Variants in LRFN2 observed in about 807,000 individuals in gnomAD.
LRFN2 encodes leucine rich repeat and fibronectin type III domain containing 2, also known as leucine-rich repeat and fibronectin type-III domain-containing protein 2.
In LRFN2, 18 loss-of-function variants were observed where a neutral mutation model predicts 37.3. That is an observed-to-expected ratio of 0.48 (90% confidence interval 0.33 to 0.72). The LOEUF (loss-of-function observed/expected upper bound fraction) is 0.72, where lower values mean the gene tolerates loss of function less well. Ranked by LOEUF, LRFN2 falls within the 30% of genes least tolerant of loss-of-function variation. The pLI, the probability that LRFN2 is intolerant of heterozygous loss-of-function variation, is 0.02. For missense variants in LRFN2, 1,006 were observed against 1,060.7 expected (o/e 0.95, Z 0.72); for synonymous variants, 556 against 466.6 (o/e 1.19, Z -2.47).
At chr6:40,439,374 C>G (rs965355431) in intron 1 of LRFN2, among the ~76,000 whole-genome samples, 9 of 152,162 alleles carry the variant, frequency 5.9e-5, no homozygotes, top group Non-Finnish European at 1.0e-4. Flanking sequence ...CACCTTCTTT[C>G]CAGACTTCCC....
chr6:40,567,271 GA>G (rs1767107071), intron 1 of LRFN2, among the ~76,000 whole-genome samples: 1 of 152,160 alleles, frequency 6.6e-6, no homozygotes, highest in East Asian at 1.9e-4. Flanking sequence ...AATGAGGAAA[GA>G]AAAAGGCACT....
rs763215904 is a variant in LRFN2, at chr6:40,392,792, G to A, written c.1521C>T (p.Ile507=). The change falls in exon 3 of 3, where the codon ATC becomes ATT. Residue 507 remains isoleucine, a synonymous_variant. Coordinates refer to ENST00000338305, the MANE Select transcript of LRFN2 (RefSeq NM_020737.3). The surrounding 1 kb of genome is among the most constrained non-coding windows in gnomAD (Gnocchi z 4.7). ...DTATTLTATN[I]VGCAQFFTKA... is the part of the protein sequence containing the mutation. ...TGGTGAAGAACTGGGCGCAGCCCAC[G>A]ATGTTGGTGGCCGTGAGTGTCGTGG... 9.3e-6 allele frequency: 15 copies of A among 1,614,024 alleles called. No homozygotes were observed. Among genetic ancestry groups the A allele is most frequent in the African/African-American group, 6.7e-5 (5 of 74,936 alleles).
chr6:40,508,330 T>A (rs1765600526), intron 1 of LRFN2, among the ~76,000 whole-genome samples: 1 of 152,216 alleles, frequency 6.6e-6, no homozygotes, highest in African/African-American at 2.4e-5. Flanking sequence ...TCTCTGCTCA[T>A]CTCCCACCCC....
chr6:40,503,866 C>G (rs1397079181), intron 1 of LRFN2, among the ~76,000 whole-genome samples: 1 of 151,596 alleles, frequency 6.6e-6, no homozygotes, highest in Non-Finnish European at 1.5e-5. Flanking sequence ...TGTAAAGACA[C>G]AGAGGCTACC....
At chr6:40,459,792 C>A (rs778043655) in intron 1 of LRFN2, among the ~76,000 whole-genome samples, 1 of 152,166 alleles carries the variant, frequency 6.6e-6, no homozygotes, top group Non-Finnish European at 1.5e-5. Flanking sequence ...GAGGGAGGAC[C>A]TTTTAATGAG....
At chr6:40,393,303 C>T (rs140557801) in intron 2 of LRFN2, among the ~76,000 whole-genome samples, 2 of 151,548 alleles carry the variant, frequency 1.3e-5, no homozygotes, top group East Asian at 1.9e-4. Context: ...AGGTATAGAC[C>T]GAGGATGTGT....
intron 1 of LRFN2, among the ~76,000 whole-genome samples, chr6:40,511,393 C>T (rs1420588784): frequency 2.0e-5 from 3 of 152,144 alleles, no homozygotes; most frequent in Admixed American, 6.5e-5. Flanking sequence ...TTGCAGAATG[C>T]GTTTCAATTC....
At chr6:40,499,725 C>T (rs1252069008) in intron 1 of LRFN2, among the ~76,000 whole-genome samples, 1 of 152,106 alleles carries the variant, frequency 6.6e-6, no homozygotes, top group African/African-American at 2.4e-5. Flanking sequence ...CCCACTCCCC[C>T]TTAGAGTGTG....
Position 40,509,791 on chromosome 6 carries a change from G to T in LRFN2, c.-18-76660C>A, listed in dbSNP as rs575850912. On this transcript the variant is annotated intron_variant, in intron 1 of 2. Transcript: ENST00000338305. Reference sequence around the variant, plus strand: ...GGACTGTGCAGGCAGTGGGGTGGGGGTGCATGCGTGCCAGTATGCCAGGGA... The same window carrying T: ...GGACTGTGCAGGCAGTGGGGTGGGGTTGCATGCGTGCCAGTATGCCAGGGA... Among the ~76,000 whole-genome samples, 5 of 151,418 alleles carry T rather than the reference G, an allele frequency of 3.3e-5. No individual in the cohort carries two copies. The South Asian group carries it at 1.0e-3, about 32-fold the overall frequency.
chr6:40,430,986 G>A (rs143815517), intron 2 of LRFN2, among the ~76,000 whole-genome samples: 224 of 152,282 alleles, frequency 1.5e-3, no homozygotes, highest in African/African-American at 5.2e-3. Context: ...AGAACTTAGG[G>A]AAGGTAAGAA....
chr6:40,580,123 T>C (rs7749698), intron 1 of LRFN2, among the ~76,000 whole-genome samples: 2,170 of 152,190 alleles, frequency 0.014, 52 homozygotes, highest in African/African-American at 0.048. Context: ...TCATGAGAAA[T>C]GGCAATGAGA....
At chr6:40,460,159 G>A (rs9380958) in intron 1 of LRFN2, among the ~76,000 whole-genome samples, 40,169 of 151,998 alleles carry the variant, frequency 0.26, 6,147 homozygotes, top group Middle Eastern at 0.41. Flanking sequence ...GGCTCCTTCC[G>A]GAGGCTCCTA....
At chr6:40,460,959 G>A (rs975949042) in intron 1 of LRFN2, among the ~76,000 whole-genome samples, 3 of 152,192 alleles carry the variant, frequency 2.0e-5, no homozygotes, top group African/African-American at 7.2e-5. Context: ...GAGAGGGTAG[G>A]CTATTGAATG....
At chr6:40,451,446 T>A (rs2113842794) in intron 1 of LRFN2, among the ~76,000 whole-genome samples, 1 of 152,118 alleles carries the variant, frequency 6.6e-6, no homozygotes, top group Non-Finnish European at 1.5e-5. Context: ...CAGCTGCAGC[T>A]CAAGAGGGTG....
chr6:40,477,633 C>T lies in LRFN2; in HGVS notation c.-18-44502G>A, dbSNP rs1198311643. On this transcript the variant is annotated intron_variant, in intron 1 of 2. Coordinates refer to ENST00000338305, the MANE Select transcript of LRFN2 (RefSeq NM_020737.3). Reference sequence around the variant, plus strand: ...TCCCAGCAGGCGCTGCAGGAATGGGCGAGAGTTAGCTCCATTTCCCTCAGT... The same window carrying T: ...TCCCAGCAGGCGCTGCAGGAATGGGTGAGAGTTAGCTCCATTTCCCTCAGT... 5.3e-5 allele frequency among the ~76,000 whole-genome samples: 8 copies of T among 152,280 alleles called. No individual in the cohort carries two copies. In the South Asian group the frequency reaches 1.0e-3, roughly 20 times the overall value.
At position 40,467,204 on chromosome 6, in the gene LRFN2, ATGATG is replaced by A. The variant is rs879792153; in HGVS notation, c.-18-34078_-18-34074del. On this transcript the variant is annotated intron_variant, in intron 1 of 2. Coordinates refer to ENST00000338305, the MANE Select transcript of LRFN2 (RefSeq NM_020737.3). ...GATGATGATGATGATGATGATGATG[ATGATG>A]TGTGTGTGTGTGTTTCAAAAATGAG... is the stretch of plus-strand genomic sequence containing the variant. Among the ~76,000 whole-genome samples the A allele has an allele frequency of 5.1e-3, 749 of 148,174 alleles. 4 individuals are homozygous for A. The highest frequency in any genetic ancestry group is 8.6e-3 in the Admixed American group (130 of 15,108).
At chr6:40,406,498 C>G (rs930831056) in intron 2 of LRFN2, among the ~76,000 whole-genome samples, 2 of 152,202 alleles carry the variant, frequency 1.3e-5, no homozygotes, top group African/African-American at 4.8e-5. Context: ...TCTGCCCTCA[C>G]CATGCACAGA....
chr6:40,452,460 C>T (rs1323289197), intron 1 of LRFN2, among the ~76,000 whole-genome samples: 1 of 152,180 alleles, frequency 6.6e-6, no homozygotes, highest in African/African-American at 2.4e-5. Flanking sequence ...GAATGTCACT[C>T]CCTGCATTAG....
chr6:40,582,945 T>C (rs1037154248), intron 1 of LRFN2, among the ~76,000 whole-genome samples: 1 of 152,142 alleles, frequency 6.6e-6, no homozygotes, highest in Non-Finnish European at 1.5e-5. Context: ...CTGATGCTGG[T>C]CCACAGACCA....
Sources: allele counts gnomAD v4.1 joint callset (sites outside exome capture counted in the v4.1 genomes callset), GRCh38; gene constraint gnomAD v4.1.1; non-coding constraint Gnocchi (gnomAD v3.1); transcripts MANE v1.5; gene names NCBI Gene and HGNC (gene_info 2026-07-23, HGNC 2026-07-21).